Variants in FOXN3 observed in about 807,000 individuals in gnomAD.
FOXN3 encodes the protein forkhead box protein N3.
A neutral mutation model predicts 38.4 loss-of-function variants in FOXN3; 7 were observed. The observed-to-expected ratio is 0.18, with a 90% CI of 0.10 to 0.34. The LOEUF is 0.34. Ranked by LOEUF, FOXN3 falls within the 10% of genes least tolerant of loss-of-function variation. The probability of loss-of-function intolerance (pLI) is 1.00; values close to 1 mark genes in which losing one functional copy is unlikely to be tolerated. For synonymous variants in FOXN3, 230 were observed against 242.2 expected (o/e 0.95, Z 0.47); for missense variants, 456 against 613.4 (o/e 0.74, Z 2.71).
At chr14:89,219,654 G>A (rs752925787) in intron 4 of FOXN3, among the ~76,000 whole-genome samples, 2 of 152,126 alleles carry the variant, frequency 1.3e-5, no homozygotes, top group Non-Finnish European at 2.9e-5. Context: ...TGACGTAACC[G>A]CTCTGTGCCT....
intron 4 of FOXN3, among the ~76,000 whole-genome samples, chr14:89,247,499 TTATGA>T (rs2139874147): frequency 6.6e-6 from 1 of 152,310 alleles, no homozygotes; most frequent in East Asian, 1.9e-4. Context: ...TAGGCCAGAA[TTATGA>T]TAAGGGGACA....
intron 1 of FOXN3, among the ~76,000 whole-genome samples, chr14:89,590,087 C>T (rs532515024): frequency 1.3e-5 from 2 of 151,936 alleles, no homozygotes; most frequent in African/African-American, 4.8e-5. Flanking sequence ...GGCACCAAGT[C>T]GATGTTACCA....
intron 4 of FOXN3, among the ~76,000 whole-genome samples, chr14:89,215,271 A>G (rs12587608): frequency 0.25 from 37,405 of 151,044 alleles, 4,836 homozygotes; most frequent in East Asian, 0.33. Context: ...TCTAGTCTCA[A>G]TAAAACAATC....
chr14:89,585,160 T>C (rs1472358177), intron 1 of FOXN3, among the ~76,000 whole-genome samples: 1 of 152,220 alleles, frequency 6.6e-6, no homozygotes, highest in Non-Finnish European at 1.5e-5. Flanking sequence ...CACTTTCCTC[T>C]ATAATTTTGC....
In FOXN3 at chr14:89,426,220, T is replaced by TA. The variant is rs1268327754; in HGVS notation, c.-14-13731_-14-13730insT. Among the ~76,000 whole-genome samples the TA allele has an allele frequency of 3.2e-4, 44 of 138,068 alleles. 1 individual carries two copies. The highest frequency in any genetic ancestry group is 1.2e-3 in the African/African-American group (43 of 35,924). 90.6% of individuals were successfully genotyped at this position (138,068 alleles called of 152,430 possible). A position where few individuals can be genotyped will look rare whatever the true frequency, so the allele number is the denominator to read the frequency against. ...CAAAAGCACCAGGAGTACTGATTTTTTTTTTTTTTTTTTTTTTTTTTGAGA... is the reference window on the plus strand; with the variant it reads ...CAAAAGCACCAGGAGTACTGATTTTTATTTTTTTTTTTTTTTTTTTTTGAGA... On this transcript the variant is annotated intron_variant, in intron 1 of 6. Coordinates refer to the FOXN3 transcript ENST00000345097.
intron 3 of FOXN3, among the ~76,000 whole-genome samples, chr14:89,305,912 A>G (rs1887355649): frequency 6.6e-6 from 1 of 152,226 alleles, no homozygotes; most frequent in Admixed American, 6.5e-5. Flanking sequence ...GGTGTTTATA[A>G]TTTGTGGAAG....
chr14:89,297,517 G>A (rs866387976), intron 3 of FOXN3, among the ~76,000 whole-genome samples: 13 of 147,838 alleles, frequency 8.8e-5, no homozygotes, highest in African/African-American at 2.2e-4. Context: ...CCGAGATTGC[G>A]CCACTGCACT....
intron 1 of FOXN3, among the ~76,000 whole-genome samples, chr14:89,514,524 T>C (rs1172608872): frequency 2.0e-5 from 3 of 152,184 alleles, no homozygotes; most frequent in Admixed American, 2.0e-4. Context: ...CCTTAGACCT[T>C]AGACACAGAC....
At chr14:89,321,599 A>G (rs1277948518) in intron 3 of FOXN3, among the ~76,000 whole-genome samples, 2 of 152,116 alleles carry the variant, frequency 1.3e-5, no homozygotes, top group East Asian at 3.8e-4. Context: ...TAAAATAAAA[A>G]TTAAGAAGTT....
intron 1 of FOXN3, among the ~76,000 whole-genome samples, chr14:89,468,564 G>A (rs77231128): frequency 0.035 from 5,333 of 152,196 alleles, 311 homozygotes; most frequent in African/African-American, 0.12. Context: ...TAACTTGACT[G>A]TGCCTCAGCT....
At chr14:89,430,778 A>T (rs1397075405) in intron 1 of FOXN3, among the ~76,000 whole-genome samples, 1 of 152,230 alleles carries the variant, frequency 6.6e-6, no homozygotes, top group Non-Finnish European at 1.5e-5. Context: ...GGGCCACAGA[A>T]AACACTCATA....
In FOXN3 at chr14:89,569,021, G is replaced by A. The variant is rs901636190; in HGVS notation, c.-15+50007C>T. 3.9e-5 allele frequency among the ~76,000 whole-genome samples: 6 copies of A among 152,304 alleles called. 1 individual carries two copies. The highest frequency in any genetic ancestry group is 4.1e-4 in the South Asian group (2 of 4,826). On this transcript the variant is annotated intron_variant, in intron 1 of 6. Transcript: ENST00000345097. ...AGATCGAGACCAACCCGGCTAACAC[G>A]GTGAAACCCCATCTCTACTAAAAAT...
chr14:89,309,251 T>C (rs1887462742), intron 3 of FOXN3, among the ~76,000 whole-genome samples: 1 of 152,066 alleles, frequency 6.6e-6, no homozygotes, highest in Admixed American at 6.6e-5. Context: ...TGGATTAATA[T>C]TCTAGGACCC....
chr14:89,238,714 A>G (rs1443069212), intron 4 of FOXN3, among the ~76,000 whole-genome samples: 1 of 152,246 alleles, frequency 6.6e-6, no homozygotes, highest in Admixed American at 6.5e-5. Context: ...AGTTTAACGA[A>G]TTAGCCAAAA....
chr14:89,584,959 G>A (rs927813214), intron 1 of FOXN3, among the ~76,000 whole-genome samples: 14 of 152,106 alleles, frequency 9.2e-5, no homozygotes, highest in African/African-American at 2.9e-4. Context: ...CAGGTGATCC[G>A]CCCGCCTCAG....
At chr14:89,552,959 T>C (rs765391886) in intron 1 of FOXN3, among the ~76,000 whole-genome samples, 6 of 151,918 alleles carry the variant, frequency 3.9e-5, no homozygotes, top group Non-Finnish European at 7.4e-5. Context: ...GGCAGGTGTT[T>C]ATGGTGGGCC....
At chr14:89,316,048 C>G (rs1887708878) in intron 3 of FOXN3, among the ~76,000 whole-genome samples, 1 of 152,216 alleles carries the variant, frequency 6.6e-6, no homozygotes, top group Admixed American at 6.5e-5. Flanking sequence ...CCACACCCTC[C>G]TGTGGTCCCC....
At chr14:89,263,453 C>T (rs1486275967) in intron 4 of FOXN3, 1 of 151,802 alleles carries the variant, frequency 6.6e-6, no homozygotes, top group East Asian at 1.9e-4. Context: ...ATTGTATTAA[C>T]AACATCAATA....
At chr14:89,469,346 C>T (rs902459291) in intron 1 of FOXN3, among the ~76,000 whole-genome samples, 3 of 152,158 alleles carry the variant, frequency 2.0e-5, no homozygotes, top group African/African-American at 7.2e-5. Flanking sequence ...ACCAGCAATC[C>T]CAAGGCAGGC....
Sources: gnomAD v4.1 joint callset for allele counts (sites outside exome capture counted in the v4.1 genomes callset) on GRCh38, gnomAD v4.1.1 for gene constraint, MANE v1.5 for transcripts, NCBI Gene and HGNC (gene_info 2026-07-23, HGNC 2026-07-21) for gene names.